Variants in RBSN observed in about 807,000 individuals in gnomAD.
The protein encoded by RBSN is rabenosyn, RAB effector.
Under a neutral mutation model 60.5 loss-of-function variants are expected in RBSN, and 34 were observed. The observed-to-expected ratio is 0.56, with a 90% CI of 0.43 to 0.75. The LOEUF (loss-of-function observed/expected upper bound fraction) is 0.75. Among genes scored for constraint, RBSN ranks in the 30% least tolerant of loss-of-function variants. The probability of loss-of-function intolerance (pLI) is 0.00; values close to 1 mark genes in which losing one functional copy is unlikely to be tolerated. For missense variants in RBSN, 845 were observed against 986.8 expected (o/e 0.86, Z 1.92); for synonymous variants, 322 against 366.9 (o/e 0.88, Z 1.40).
intron 13 of RBSN, 174 bp from the exon 14 acceptor site, chr3:15,075,104 C>T (rs1240367941): frequency 4.9e-5 from 37 of 750,890 alleles, no homozygotes; most frequent in East Asian, 1.6e-4. Context: ...TATATGTGGG[C>T]GGAAGGGAGA....
rs1355169171 is a variant in RBSN, at chr3:15,084,116, TTTTA to T, written c.598+615_598+618del. The stretch of plus-strand genomic sequence containing the variant: ...GTATAATTTTCACATTGCTATTTTA[TTTTA>T]TTTATTTATTTTTTTGAGATGGGAG... On this transcript the variant is annotated intron_variant, in intron 8 of 13. Coordinates refer to ENST00000253699, the MANE Select transcript of RBSN (RefSeq NM_022340.4). This position sits in a 1 kb window ranked among gnomAD's most constrained non-coding sequence, Gnocchi z 4.2. Among the ~76,000 whole-genome samples, 3 of 152,160 alleles carry T rather than the reference TTTTA, an allele frequency of 2.0e-5. No homozygotes were observed. Among genetic ancestry groups the T allele is most frequent in the Non-Finnish European group, 4.4e-5 (3 of 68,038 alleles).
chr3:15,087,049 T>TA (rs1208238403), intron 5 of RBSN, among the ~76,000 whole-genome samples: 1 of 152,192 alleles, frequency 6.6e-6, no homozygotes, highest in Non-Finnish European at 1.5e-5. Context: ...AATTGCCAAA[T>TA]AAAAATTGCA....
chr3:15,097,115 C>T (rs547854388), intron 2 of RBSN, among the ~76,000 whole-genome samples: 5 of 152,094 alleles, frequency 3.3e-5, no homozygotes, highest in African/African-American at 9.7e-5. Context: ...CTGCCTGAGC[C>T]CCCCCAAACT....
rs769107466 is a variant in RBSN at position 15,090,510 on chromosome 3, C to A, written c.178G>T (p.Asp60Tyr). ...SLVQKAKKAK[D>Y]RLLKREGDDR... ...TCCCCTTCTCGTTTCAACAACCTGT[C>A]CTTTGCTTTTTTAGCCTTCTGGACA... The change falls in exon 5 of 14, where the codon GAC becomes TAC. Residue 60 changes from aspartate to tyrosine, a missense_variant. Coordinates refer to ENST00000253699, the MANE Select transcript of RBSN (RefSeq NM_022340.4). The A allele has an allele frequency of 1.9e-6, 3 of 1,614,142 alleles. No individual in the cohort carries two copies. The highest frequency in any genetic ancestry group is 8.5e-7 in the Non-Finnish European group (1 of 1,180,000).
rs760961160 is a variant in RBSN at position 15,074,886 on chromosome 3, G to C, written c.1251C>G (p.Gly417=). 39 of 1,613,600 alleles carry C rather than the reference G, an allele frequency of 2.4e-5. 1 individual carries two copies. In the South Asian group the frequency reaches 3.7e-4, roughly 15 times the overall value. ...CCCCGTTGGCCGCTCGAGAAGCCAG[G>C]CCACTCTGCCTTTCCTCAAGCCTTC... ...SQRRLEERQS[G]LASRAANGEV... The change falls in exon 14 of 14, where the codon GGC becomes GGG. Residue 417 remains glycine, a synonymous_variant. Transcript: ENST00000253699. This position sits in a 1 kb window ranked among gnomAD's most constrained non-coding sequence, Gnocchi z 6.4.
chr3:15,097,250 C>G (rs1399795386), intron 2 of RBSN, among the ~76,000 whole-genome samples: 1 of 152,208 alleles, frequency 6.6e-6, no homozygotes, highest in East Asian at 1.9e-4. Context: ...CATGGTGGCT[C>G]AAGCCTGTAA....
chr3:15,076,607 C>T (rs1326741248), intron 12 of RBSN, among the ~76,000 whole-genome samples: 1 of 152,158 alleles, frequency 6.6e-6, no homozygotes, highest in Non-Finnish European at 1.5e-5. Context: ...TGCCCTTAAT[C>T]GGCTGTTTCC....
At position 15,073,821 on chromosome 3, in the gene RBSN, C is replaced by T. The variant is rs754058789; in HGVS notation, c.2316G>A (p.Leu772=). The change falls in exon 14 of 14, where the codon CTG becomes CTA. Residue 772 remains leucine, a synonymous_variant. Coordinates refer to ENST00000253699, the MANE Select transcript of RBSN (RefSeq NM_022340.4). ...VEVLTENLRE[L]KHTLAKQKGG... ...CCTTCTGCTTGGCCAGGGTGTGCTT[C>T]AGCTCCCGCAGATTCTCTGTCAGCA... The T allele has an allele frequency of 1.9e-6, 3 of 1,612,104 alleles. No homozygotes were observed. The highest frequency in any genetic ancestry group is 2.5e-6 in the Non-Finnish European group (3 of 1,179,282).
In RBSN at chr3:15,085,938, C is replaced by G; in HGVS notation, c.313G>C (p.Asp105His). The part of the protein sequence containing the change: ...ELGAVRSHLS[D>H]FKKHRAARID... ...CTAGCAGCTCGGTGTTTTTTGAAGTCGGAAAGATGGCTTCTCACAGCACCT... is the reference window on the plus strand; with the variant it reads ...CTAGCAGCTCGGTGTTTTTTGAAGTGGGAAAGATGGCTTCTCACAGCACCT... Residue 105 changes from aspartate to histidine, a missense_variant, in exon 6 of 14, where the codon GAC becomes CAC. By Grantham distance (81) the Asp-to-His change is moderately conservative (BLOSUM62 -1). Transcript: ENST00000253699. 5 of 1,613,646 alleles carry G rather than the reference C, an allele frequency of 3.1e-6. No homozygotes were observed. Among genetic ancestry groups the G allele is most frequent in the Non-Finnish European group, 4.2e-6 (5 of 1,179,900 alleles).
intron 12 of RBSN, among the ~76,000 whole-genome samples, chr3:15,076,207 AC>A (rs1279265970): frequency 6.6e-6 from 1 of 152,230 alleles, no homozygotes; most frequent in Non-Finnish European, 1.5e-5. Context: ...GAGGCACTCA[AC>A]AAATGATTGC....
intron 10 of RBSN, among the ~76,000 whole-genome samples, chr3:15,079,610 G>A (rs2125160894): frequency 6.6e-6 from 1 of 152,310 alleles, no homozygotes; most frequent in Non-Finnish European, 1.5e-5. Flanking sequence ...CAGATGGAAT[G>A]AAGTACTGAT....
Position 15,084,584 on chromosome 3 carries a change from AGT to A in RBSN, c.598+149_598+150del. The A allele has an allele frequency of 9.4e-7, 1 of 1,059,104 alleles. No individual in the cohort carries two copies. Among genetic ancestry groups the A allele is most frequent in the Non-Finnish European group, 1.4e-6 (1 of 737,858 alleles). 65.6% of individuals were successfully genotyped at this position (1,059,104 alleles called of 1,614,324 possible). A position where few individuals can be genotyped will look rare whatever the true frequency, so the allele number is the denominator to read the frequency against. On this transcript the variant is annotated intron_variant, in intron 8 of 13. Transcript: ENST00000253699. The surrounding 1 kb of genome is among the most constrained non-coding windows in gnomAD (Gnocchi z 4.2). The stretch of plus-strand genomic sequence containing the variant: ...GCCCCTAGCATAGTACCTAGTCTGT[AGT>A]GGGTTTCACAGAAACAGCAACTCAA...
At chr3:15,091,777 C>G (rs2043523084) in intron 4 of RBSN, among the ~76,000 whole-genome samples, 1 of 152,194 alleles carries the variant, frequency 6.6e-6, no homozygotes, top group Non-Finnish European at 1.5e-5. Flanking sequence ...CCAGCTCTCC[C>G]CCGCTAGTCC....
At chr3:15,086,091 CAAAAAAAAAA>C (rs60131546) in intron 5 of RBSN, 130 bp from the exon 6 acceptor site, 3 of 94,820 alleles carry the variant, frequency 3.2e-5, no homozygotes, top group South Asian at 1.9e-4. Flanking sequence ...CGTCTCTCTC[CAAAAAAAAAA>C]AAAAAAAAAA....
rs2042933611 is a variant in RBSN at position 15,071,852 on chromosome 3, G to A, written c.*1930C>T. On this transcript the variant is annotated 3_prime_UTR_variant, in exon 14 of 14. Coordinates refer to ENST00000253699, the MANE Select transcript of RBSN (RefSeq NM_022340.4). ...CACGGCATAAAGTGACTAGTGGTCA[G>A]TTATTGTTCATTAGTTCAGATGAGT... is the stretch of plus-strand genomic sequence containing the variant. 6.6e-6 allele frequency: 1 copy of A among 152,658 alleles called. No individual in the cohort carries two copies. Among genetic ancestry groups the A allele is most frequent in the African/African-American group, 2.4e-5 (1 of 41,448 alleles). 9.5% of individuals were successfully genotyped at this position (152,658 alleles called of 1,614,324 possible).
chr3:15,082,340 G>A lies in RBSN; in HGVS notation c.840+27C>T, dbSNP rs377765543. On this transcript the variant is annotated intron_variant, in intron 9 of 13. Coordinates refer to ENST00000253699, the MANE Select transcript of RBSN (RefSeq NM_022340.4). The surrounding 1 kb of genome is among the most constrained non-coding windows in gnomAD (Gnocchi z 4.2). ...ACAGCCAAATCTGCCTAAGAAATTAGACCCAAGACCAGACAGCGCGAATCA... is the reference window on the plus strand; with the variant it reads ...ACAGCCAAATCTGCCTAAGAAATTAAACCCAAGACCAGACAGCGCGAATCA... 2 of 1,596,844 alleles carry A rather than the reference G, an allele frequency of 1.3e-6. No homozygotes were observed. The highest frequency in any genetic ancestry group is 1.3e-5 in the African/African-American group (1 of 74,644).
chr3:15,089,381 A>G (rs1203967300), intron 5 of RBSN, among the ~76,000 whole-genome samples: 3 of 140,320 alleles, frequency 2.1e-5, no homozygotes, highest in Non-Finnish European at 1.5e-5. Context: ...GTGAGAGATC[A>G]CTTGAGCCTG....
chr3:15,084,748 G>A lies in RBSN; in HGVS notation c.585C>T (p.Ser195=). ...CAAGTCACCTACTTGCCAAGGGAAG[G>A]CTGATGAGCTCCATACACTTCTTGC... is the stretch of plus-strand genomic sequence containing the variant. The part of the protein sequence containing the change: ...IMCKKCMELI[S]LPLANKLTSA... Residue 195 remains serine (S), a synonymous_variant, in exon 8 of 14, where the codon AGC becomes AGT. Transcript: ENST00000253699. The surrounding 1 kb of genome is among the most constrained non-coding windows in gnomAD (Gnocchi z 4.2). 2 of 1,599,576 alleles carry A rather than the reference G, an allele frequency of 1.3e-6. No individual in the cohort carries two copies. The highest frequency in any genetic ancestry group is 8.5e-7 in the Non-Finnish European group (1 of 1,174,042).
At chr3:15,079,038 C>A (rs749770492) in intron 10 of RBSN, among the ~76,000 whole-genome samples, 7 of 151,884 alleles carry the variant, frequency 4.6e-5, no homozygotes, top group Non-Finnish European at 8.8e-5. Context: ...GTAGTTAGCA[C>A]TTTAACTTCT....
Sources: gnomAD v4.1 joint callset for allele counts (sites outside exome capture counted in the v4.1 genomes callset) on GRCh38, gnomAD v4.1.1 for gene constraint, Gnocchi (gnomAD v3.1) non-coding constraint, MANE v1.5 for transcripts, NCBI Gene and HGNC (gene_info 2026-07-23, HGNC 2026-07-21) for gene names.